Variants in OTUD7A observed in about 807,000 individuals in gnomAD.
OTUD7A encodes OTU domain-containing protein 7A.
Under a neutral mutation model 65.7 loss-of-function variants are expected in OTUD7A, and 12 were observed. That is an observed-to-expected ratio of 0.18 (90% CI 0.12 to 0.30). OTUD7A has a LOEUF of 0.30. Among genes scored for constraint, OTUD7A ranks in the 10% least tolerant of loss-of-function variants. The pLI is 1.00. For synonymous variants in OTUD7A, 641 were observed against 586.3 expected, an observed-to-expected ratio of 1.09 and a Z score of -1.35; for missense variants, 1,148 against 1,304.8, an observed-to-expected ratio of 0.88 and a Z score of 1.85.
At chr15:31,508,403 C>T (rs945552560) in intron 8 of OTUD7A, among the ~76,000 whole-genome samples, 2 of 65,358 alleles carry the variant, frequency 3.1e-5, no homozygotes, top group African/African-American at 1.9e-4. Context: ...GGCTGGAGTG[C>T]AGTGGCGCCG....
chr15:31,483,950 C>T lies in OTUD7A; in HGVS notation c.2146G>A (p.Ala716Thr). 8.9e-7 allele frequency: 1 copy of T among 1,120,512 alleles called. No individual in the cohort carries two copies. Among genetic ancestry groups the T allele is most frequent in the Non-Finnish European group, 1.1e-6 (1 of 908,654 alleles). 69.4% of individuals were successfully genotyped at this position (1,120,512 alleles called of 1,614,324 possible). ...ETEGVPVPER[A>T]SPGPPTQLVL... is the part of the protein sequence containing the mutation. ...AGCTGCGTGGGTGGGCCCGGAGAGG[C>T]GCGCTCCGGGACCGGCACGCCCTCC... The change falls in exon 13 of 13, where the codon GCC becomes ACC. Residue 716 changes from alanine to threonine, a missense_variant. This residue lies in a region of OTUD7A where 842 missense variants were observed against 769.5 expected (regional missense o/e 1.09). Coordinates refer to ENST00000307050, the MANE Select transcript of OTUD7A (RefSeq NM_001382637.1).
At chr15:31,790,202 G>T (rs973030614) in intron 1 of OTUD7A, among the ~76,000 whole-genome samples, 1 of 152,196 alleles carries the variant, frequency 6.6e-6, no homozygotes, top group African/African-American at 2.4e-5. Context: ...CCTACATGGC[G>T]TCAGGATCCC....
intron 3 of OTUD7A, among the ~76,000 whole-genome samples, chr15:31,610,617 A>ATATATTTTTTTTTTTTTT: frequency 6.5e-5 from 2 of 30,560 alleles, no homozygotes; most frequent in African/African-American, 1.7e-4. Context: ...ATATATATAT[A>ATATATTTTTTTTTTTTTT]TTTTTTTTTT....
chr15:31,517,962 G>T (rs566995174), intron 8 of OTUD7A, among the ~76,000 whole-genome samples: 1 of 152,204 alleles, frequency 6.6e-6, no homozygotes, highest in Admixed American at 6.5e-5. Flanking sequence ...CCACCCAGAC[G>T]GAGAGCCTGG....
chr15:31,766,156 T>C (rs1024988442), intron 1 of OTUD7A: 4 of 1,474,968 alleles, frequency 2.7e-6, no homozygotes, highest in African/African-American at 2.8e-5. Flanking sequence ...TCATGATCCA[T>C]TAAGAAAGAA....
intron 6 of OTUD7A, among the ~76,000 whole-genome samples, chr15:31,529,267 C>G (rs1422845847): frequency 6.6e-6 from 1 of 152,164 alleles, no homozygotes; most frequent in Non-Finnish European, 1.5e-5. Flanking sequence ...TGCTCAATAA[C>G]AGGGGAATAG....
intron 1 of OTUD7A, among the ~76,000 whole-genome samples, chr15:31,678,482 C>T (rs554969955): frequency 3.9e-5 from 6 of 152,268 alleles, no homozygotes; most frequent in East Asian, 3.9e-4. Context: ...AGGAAAAAAA[C>T]GGTTTTGTGG....
Position 31,501,799 on chromosome 15 carries a change from C to G in OTUD7A, c.1062G>C (p.Leu354Phe). ...PIPFGGIYLP[L>F]EVPPNRCHCS... The stretch of plus-strand genomic sequence containing the variant: ...AGTGGCATCTGTTGGGAGGGACCTC[C>G]AAGGGCAGGTAGATCCCTCCGAATG... The change falls in exon 10 of 13, where the codon TTG becomes TTC. Residue 354 changes from leucine to phenylalanine, a missense_variant. By Grantham distance (22) the Leu-to-Phe change is conservative. This residue lies in a region of OTUD7A where 58 missense variants were observed against 131.4 expected (regional missense o/e 0.44). Transcript: ENST00000307050. The G allele has an allele frequency of 6.2e-7, 1 of 1,614,076 alleles. No individual in the cohort carries two copies. Among genetic ancestry groups the G allele is most frequent in the Non-Finnish European group, 8.5e-7 (1 of 1,179,958 alleles).
At chr15:31,559,246 T>G (rs930768270) in intron 4 of OTUD7A, 59 bp from the exon 5 acceptor site, 1 of 1,500,430 alleles carries the variant, frequency 6.7e-7, no homozygotes, top group African/African-American at 1.4e-5. Context: ...TGTGGCTCTA[T>G]GTACATAAAC....
chr15:31,621,790 GA>G (rs1285958138), intron 3 of OTUD7A, among the ~76,000 whole-genome samples: 1 of 148,970 alleles, frequency 6.7e-6, no homozygotes, highest in Non-Finnish European at 1.5e-5. Flanking sequence ...TGTTATGTGT[GA>G]ATCTGATACT....
chr15:31,711,221 T>C (rs1893437606), intron 1 of OTUD7A, among the ~76,000 whole-genome samples: 1 of 152,054 alleles, frequency 6.6e-6, no homozygotes, highest in African/African-American at 2.4e-5. Flanking sequence ...GAAACAAAGA[T>C]GAAAATAACA....
intron 6 of OTUD7A, among the ~76,000 whole-genome samples, chr15:31,529,122 C>G (rs1242950044): frequency 6.6e-6 from 1 of 152,210 alleles, no homozygotes; most frequent in African/African-American, 2.4e-5. Context: ...GACAATGACT[C>G]TACATGCTGC....
At chr15:31,818,526 C>T (rs1431210273) in intron 1 of OTUD7A, among the ~76,000 whole-genome samples, 1 of 152,170 alleles carries the variant, frequency 6.6e-6, no homozygotes, top group Non-Finnish European at 1.5e-5. Flanking sequence ...AGGGGTGAGA[C>T]CATGGGCCTG....
At chr15:31,540,633 A>G (rs1356669319) in intron 5 of OTUD7A, among the ~76,000 whole-genome samples, 2 of 152,230 alleles carry the variant, frequency 1.3e-5, no homozygotes, top group African/African-American at 4.8e-5. Context: ...ATATTGGGAA[A>G]GTACTTAAGA....
chr15:31,504,651 A>AG (rs1378365503), intron 8 of OTUD7A, among the ~76,000 whole-genome samples: 2 of 151,898 alleles, frequency 1.3e-5, no homozygotes, highest in Non-Finnish European at 2.9e-5. Flanking sequence ...GGTGGCTCTC[A>AG]GACTTGTTCC....
chr15:31,808,478 A>G lies in OTUD7A; in HGVS notation c.-100+62029T>C, dbSNP rs367707897. Reference sequence around the variant, plus strand: ...GTGCCTGACTCGGAGGTCCAGCATGAGCTTGAGTTGTACCGTTGTTCTTGA... The same window carrying G: ...GTGCCTGACTCGGAGGTCCAGCATGGGCTTGAGTTGTACCGTTGTTCTTGA... On this transcript the variant is annotated intron_variant, in intron 1 of 12. Coordinates refer to ENST00000307050, the MANE Select transcript of OTUD7A (RefSeq NM_001382637.1). Among the ~76,000 whole-genome samples, 3 of 152,184 alleles carry G rather than the reference A, an allele frequency of 2.0e-5. No homozygotes were observed. The East Asian group carries it at 5.8e-4, about 29-fold the overall frequency.
chr15:31,810,592 T>C (rs138978586), intron 1 of OTUD7A, among the ~76,000 whole-genome samples: 24 of 152,282 alleles, frequency 1.6e-4, no homozygotes, highest in Non-Finnish European at 2.9e-4. Context: ...AGCACCTTCA[T>C]CTGGGATTTT....
At chr15:31,515,557 T>G (rs982939224) in intron 8 of OTUD7A, among the ~76,000 whole-genome samples, 1 of 152,092 alleles carries the variant, frequency 6.6e-6, no homozygotes, top group Non-Finnish European at 1.5e-5. Flanking sequence ...TACCAACCTA[T>G]CCATCCTTCT....
intron 1 of OTUD7A, among the ~76,000 whole-genome samples, chr15:31,746,747 C>T (rs141879469): frequency 0.013 from 1,906 of 152,280 alleles, 19 homozygotes; most frequent in Non-Finnish European, 0.019. Context: ...TCACCTGCCT[C>T]TGCCTCCCAA....
Sources: allele counts gnomAD v4.1 joint callset (sites outside exome capture counted in the v4.1 genomes callset), GRCh38; gene constraint gnomAD v4.1.1; regional missense constraint gnomAD v4.1.1; transcripts MANE v1.5; gene names NCBI Gene and HGNC (gene_info 2026-07-23, HGNC 2026-07-21).